Variants in ULK4 observed in about 807,000 individuals in gnomAD.
ULK4 encodes unc-51 like kinase 4.
In ULK4, 133 loss-of-function variants were observed where a neutral mutation model predicts 160.6. The observed-to-expected ratio is 0.83, with a 90% CI of 0.72 to 0.96. The LOEUF is 0.96. ULK4 is among the 40% of genes least tolerant of loss of function. The pLI, the probability that ULK4 is intolerant of heterozygous loss-of-function variation, is 0.00. For missense variants in ULK4, 1,580 were observed against 1,499.5 expected (o/e 1.05, Z -0.89); for synonymous variants, 534 against 539.8 (o/e 0.99, Z 0.15).
intron 7 of ULK4, among the ~76,000 whole-genome samples, chr3:41,917,127 C>A (rs142871457): frequency 7.9e-5 from 12 of 152,296 alleles, no homozygotes; most frequent in African/African-American, 2.9e-4. Context: ...TAATATGACA[C>A]TGTCCAATAC....
At chr3:41,418,996 G>T (rs1256990361) in intron 34 of ULK4, among the ~76,000 whole-genome samples, 1 of 152,164 alleles carries the variant, frequency 6.6e-6, no homozygotes, top group African/African-American at 2.4e-5. Context: ...TGTGAATGTT[G>T]GAGGAAAGAG....
At chr3:41,961,149 A>C (rs986508273) in intron 1 of ULK4, among the ~76,000 whole-genome samples, 6 of 152,172 alleles carry the variant, frequency 3.9e-5, no homozygotes, top group African/African-American at 1.4e-4. Context: ...AGCAAATCAC[A>C]TACAGGTGCA....
At chr3:41,725,952 A>G (rs2037633836) in intron 22 of ULK4, among the ~76,000 whole-genome samples, 1 of 152,224 alleles carries the variant, frequency 6.6e-6, no homozygotes, top group Non-Finnish European at 1.5e-5. Context: ...CCTCTATATC[A>G]GTAACAGCTA....
rs537435729 is a variant in ULK4, at chr3:41,795,265, A to AT, written c.2010+4866dup. ...TAAATCTATTAACCGTGCAGGTGCA[A>AT]TTTTTTTTGTTAAGATTATGATGTT... On this transcript the variant is annotated intron_variant, in intron 20 of 36. Transcript: ENST00000301831. Among the ~76,000 whole-genome samples, 468 of 152,042 alleles carry AT rather than the reference A, an allele frequency of 3.1e-3. 1 individual carries two copies. Among genetic ancestry groups the AT allele is most frequent in the African/African-American group, 0.011 (439 of 41,472 alleles).
intron 31 of ULK4, among the ~76,000 whole-genome samples, chr3:41,604,651 A>G (rs1475654630): frequency 6.6e-6 from 1 of 152,142 alleles, no homozygotes; most frequent in Non-Finnish European, 1.5e-5. Context: ...GATGACATCT[A>G]TTCAGGCCCT....
chr3:41,841,557 C>T (rs1162445113), intron 17 of ULK4, among the ~76,000 whole-genome samples: 4 of 151,316 alleles, frequency 2.6e-5, no homozygotes, highest in African/African-American at 9.7e-5. Flanking sequence ...GTGGGGAGCA[C>T]CTCTGCCCGG....
intron 31 of ULK4, among the ~76,000 whole-genome samples, chr3:41,608,880 A>C (rs1488518320): frequency 6.6e-6 from 1 of 152,192 alleles, no homozygotes; most frequent in African/African-American, 2.4e-5. Context: ...AAAAACTATA[A>C]AAGCTTCTAA....
chr3:41,378,246 G>GA (rs1221409474), intron 35 of ULK4, among the ~76,000 whole-genome samples: 33 of 107,536 alleles, frequency 3.1e-4, no homozygotes, highest in Non-Finnish European at 5.5e-4. Context: ...AGGGGGGAGG[G>GA]ATAGCATTGG....
At chr3:41,302,727 G>A (rs1163322712) in intron 35 of ULK4, among the ~76,000 whole-genome samples, 4 of 152,140 alleles carry the variant, frequency 2.6e-5, no homozygotes, top group Non-Finnish European at 4.4e-5. Context: ...TTAAAATAGA[G>A]TACTAATAAA....
chr3:41,804,195 G>A lies in ULK4; in HGVS notation c.1849-3902C>T, dbSNP rs1285495516. Among the ~76,000 whole-genome samples the A allele has an allele frequency of 2.6e-5, 4 of 151,768 alleles. No homozygotes were observed. In the South Asian group the frequency reaches 6.2e-4, roughly 24 times the overall value. ...TTGCCATTCTAACTGGTGTGAGATG[G>A]TATCTCATTGTGGTTTTGATTTGCA... On this transcript the variant is annotated intron_variant, in intron 19 of 36. Coordinates refer to ENST00000301831, the MANE Select transcript of ULK4 (RefSeq NM_017886.4).
chr3:41,918,051 T>A (rs973196585), intron 7 of ULK4, among the ~76,000 whole-genome samples: 1 of 151,852 alleles, frequency 6.6e-6, no homozygotes, highest in South Asian at 2.1e-4. Context: ...TTAAAACTTA[T>A]AAGGGTAGCA....
intron 30 of ULK4, among the ~76,000 whole-genome samples, chr3:41,636,116 ACT>A (rs139126421): frequency 0.061 from 9,296 of 151,928 alleles, 957 homozygotes; most frequent in African/African-American, 0.21. Context: ...ACTTACATAA[ACT>A]CTGAGTGTTA....
intron 18 of ULK4, among the ~76,000 whole-genome samples, chr3:41,830,769 T>A (rs984556071): frequency 1.3e-5 from 2 of 151,716 alleles, no homozygotes; most frequent in African/African-American, 4.8e-5. Flanking sequence ...TAATAAAGAA[T>A]AATTAAGCCA....
intron 34 of ULK4, among the ~76,000 whole-genome samples, chr3:41,428,118 C>A (rs1364993543): frequency 1.3e-5 from 2 of 151,614 alleles, no homozygotes; most frequent in Non-Finnish European, 2.9e-5. Flanking sequence ...TTCCTATACA[C>A]CAACAACAGG....
At chr3:41,611,926 A>G (rs897342158) in intron 31 of ULK4, among the ~76,000 whole-genome samples, 29 of 152,150 alleles carry the variant, frequency 1.9e-4, no homozygotes, top group African/African-American at 6.8e-4. Flanking sequence ...GTACTTGGGC[A>G]CATCTAAGGA....
Position 41,706,896 on chromosome 3 carries a change from T to TAG in ULK4, c.2635-1592_2635-1591insCT, listed in dbSNP as rs1284903397. 7.1e-4 allele frequency among the ~76,000 whole-genome samples: 92 copies of TAG among 130,022 alleles called. 2 individuals are homozygous for TAG. Among genetic ancestry groups the TAG allele is most frequent in the African/African-American group, 3.6e-3 (87 of 24,398 alleles). 85.3% of individuals were successfully genotyped at this position (130,022 alleles called of 152,430 possible). On this transcript the variant is annotated intron_variant, in intron 25 of 36. Transcript: ENST00000301831. ...GTGTGTGTGTGTGTGTGTGTATATA[T>TAG]ATATAGAGAGAGAGAGAGAATAGAA...
At chr3:41,839,583 T>C (rs925504505) in intron 17 of ULK4, among the ~76,000 whole-genome samples, 3 of 151,416 alleles carry the variant, frequency 2.0e-5, no homozygotes, top group Non-Finnish European at 4.4e-5. Flanking sequence ...TTTCACCACA[T>C]AGAAAAAATG....
intron 21 of ULK4, among the ~76,000 whole-genome samples, chr3:41,775,801 T>C (rs2039592007): frequency 6.6e-6 from 1 of 150,960 alleles, no homozygotes; most frequent in African/African-American, 2.5e-5. Flanking sequence ...TTGCCTTTTT[T>C]CACTCAAAGT....
intron 32 of ULK4, among the ~76,000 whole-genome samples, chr3:41,556,118 A>AC (rs1426105572): frequency 1.3e-5 from 2 of 152,144 alleles, no homozygotes; most frequent in South Asian, 2.1e-4. Context: ...TGTACAATAA[A>AC]CCCCCATGAC....
Sources: allele counts gnomAD v4.1 joint callset (sites outside exome capture counted in the v4.1 genomes callset), GRCh38; gene constraint gnomAD v4.1.1; transcripts MANE v1.5; gene names NCBI Gene and HGNC (gene_info 2026-07-23, HGNC 2026-07-21).